Variants in PCSK5 observed in about 807,000 individuals in gnomAD.
The protein encoded by PCSK5 is proprotein convertase subtilisin/kexin type 5.
In PCSK5, 129 loss-of-function variants were observed where a neutral mutation model predicts 233.2. The ratio of observed to expected loss-of-function variants is 0.55; its 90% confidence interval spans 0.48 to 0.64. The LOEUF (loss-of-function observed/expected upper bound fraction) is 0.64. Ranked by LOEUF, PCSK5 falls within the 30% of genes least tolerant of loss-of-function variation. The pLI, the probability that PCSK5 is intolerant of heterozygous loss-of-function variation, is 0.00. For missense variants in PCSK5, 2,076 were observed against 2,430.1 expected (o/e 0.85, Z 3.06); for synonymous variants, 825 against 879.2 (o/e 0.94, Z 1.09).
chr9:76,346,980 C>A (rs1443030681), intron 35 of PCSK5, among the ~76,000 whole-genome samples: 2 of 152,126 alleles, frequency 1.3e-5, no homozygotes, highest in South Asian at 2.1e-4. Flanking sequence ...TTAATATGTA[C>A]CTTTCTCTGT....
chr9:75,999,066 ATTTT>A (rs901442198), intron 3 of PCSK5, among the ~76,000 whole-genome samples: 10 of 151,908 alleles, frequency 6.6e-5, no homozygotes, highest in Non-Finnish European at 1.2e-4. Flanking sequence ...TTATTTATTT[ATTTT>A]TTTATTATAC....
In PCSK5 at chr9:76,230,178, T is replaced by C. The variant is rs187729161; in HGVS notation, c.2729+2573T>C. On this transcript the variant is annotated intron_variant, in intron 21 of 37. Transcript: ENST00000674117. ...AATATTTTGGGGGGAGGTTGGAGAA[T>C]GTGGGGTGGGTCGTGGTGACATAAC... Among the ~76,000 whole-genome samples the C allele has an allele frequency of 3.9e-3, 601 of 152,308 alleles. 3 individuals are homozygous for C. The highest frequency in any genetic ancestry group is 6.8e-3 in the Middle Eastern group (2 of 294).
chr9:76,265,173 C>A (rs1429208137), intron 24 of PCSK5, among the ~76,000 whole-genome samples: 1 of 152,034 alleles, frequency 6.6e-6, no homozygotes, highest in Non-Finnish European at 1.5e-5. Flanking sequence ...CCAAATACTG[C>A]CTGTTCTCAT....
At chr9:76,174,083 T>C (rs990893609) in intron 13 of PCSK5, among the ~76,000 whole-genome samples, 3 of 152,130 alleles carry the variant, frequency 2.0e-5, no homozygotes, top group Non-Finnish European at 4.4e-5. Context: ...GCACTGGAAA[T>C]ATGGTTAGTG....
intron 28 of PCSK5, among the ~76,000 whole-genome samples, chr9:76,307,900 A>G (rs1217004582): frequency 6.6e-6 from 1 of 152,080 alleles, no homozygotes; most frequent in Non-Finnish European, 1.5e-5. Context: ...CTTGGAGTGA[A>G]GAGAAATGGT....
chr9:76,267,178 G>A (rs1827358910), intron 24 of PCSK5, among the ~76,000 whole-genome samples: 1 of 152,142 alleles, frequency 6.6e-6, no homozygotes, highest in Non-Finnish European at 1.5e-5. Context: ...CTAAAATGGA[G>A]CTCTTATTCT....
At chr9:75,986,271 T>A in intron 3 of PCSK5, 26 bp downstream of exon 3, 1 of 1,318,626 alleles carries the variant, frequency 7.6e-7, no homozygotes, top group Non-Finnish European at 1.1e-6. Flanking sequence ...AAGCCTGGCC[T>A]AGGGCCATGT....
chr9:75,935,225 G>A (rs1394509981), intron 2 of PCSK5, among the ~76,000 whole-genome samples: 4 of 152,080 alleles, frequency 2.6e-5, no homozygotes, highest in African/African-American at 7.2e-5. Context: ...ATGCCACCAC[G>A]CCCAGCTAAT....
intron 2 of PCSK5, among the ~76,000 whole-genome samples, chr9:75,965,175 G>A (rs1024800525): frequency 6.6e-5 from 10 of 152,084 alleles, no homozygotes; most frequent in Non-Finnish European, 1.2e-4. Flanking sequence ...CCTTTAGTAC[G>A]CACTGTATTA....
At chr9:76,268,609 T>G (rs1186147740) in intron 24 of PCSK5, among the ~76,000 whole-genome samples, 1 of 152,198 alleles carries the variant, frequency 6.6e-6, no homozygotes, top group East Asian at 1.9e-4. Flanking sequence ...TTTGGGAGGC[T>G]GAGGTGGACA....
intron 9 of PCSK5, among the ~76,000 whole-genome samples, chr9:76,126,639 A>G (rs73456476): frequency 0.028 from 4,330 of 152,284 alleles, 195 homozygotes; most frequent in African/African-American, 0.099. Context: ...TTTTACAGCA[A>G]TATGGATGGA....
At chr9:76,030,500 T>C (rs1183410263) in intron 5 of PCSK5, among the ~76,000 whole-genome samples, 2 of 152,222 alleles carry the variant, frequency 1.3e-5, no homozygotes, top group Non-Finnish European at 2.9e-5. Context: ...ATAACAATTA[T>C]AATTATTACT....
intron 36 of PCSK5, among the ~76,000 whole-genome samples, chr9:76,351,456 GA>G (rs10707487): frequency 0.34 from 6,403 of 19,102 alleles, 884 homozygotes; most frequent in Middle Eastern, 0.41. Context: ...AGGAAAGAAA[GA>G]AAGAAAGAAA....
chr9:76,326,262 T>C (rs1170843096), intron 32 of PCSK5, among the ~76,000 whole-genome samples: 1 of 152,230 alleles, frequency 6.6e-6, no homozygotes, highest in Non-Finnish European at 1.5e-5. Context: ...GGTGTGTGCC[T>C]GTAGTCCCAG....
rs550506866 is a variant in PCSK5 at position 75,994,960 on chromosome 9, A to G, written c.411+8715A>G. Among the ~76,000 whole-genome samples the G allele has an allele frequency of 6.6e-5, 10 of 152,296 alleles. No homozygotes were observed. In the East Asian group the frequency reaches 1.4e-3, roughly 21 times the overall value. ...CTGCTCACCTCTCCAAACATCTTGC[A>G]ATACTTTCTACTTCGCTTTCTGCTT... is the stretch of plus-strand genomic sequence containing the variant. On this transcript the variant is annotated intron_variant, in intron 3 of 37. Coordinates refer to ENST00000674117, the MANE Select transcript of PCSK5 (RefSeq NM_001372043.1).
chr9:75,892,685 G>A (rs1214129385), intron 1 of PCSK5, among the ~76,000 whole-genome samples: 5 of 152,200 alleles, frequency 3.3e-5, no homozygotes, highest in Non-Finnish European at 7.4e-5. Context: ...CCTCCTCCCC[G>A]CCGCCTGGGG....
intron 35 of PCSK5, among the ~76,000 whole-genome samples, chr9:76,343,641 C>T (rs183943938): frequency 6.6e-6 from 1 of 152,264 alleles, no homozygotes; most frequent in African/African-American, 2.4e-5. Context: ...CCTGAACCAA[C>T]CTCACCCACT....
chr9:76,090,790 C>T (rs184623567), intron 7 of PCSK5, among the ~76,000 whole-genome samples: 4 of 152,208 alleles, frequency 2.6e-5, no homozygotes, highest in East Asian at 3.9e-4. Context: ...TCTCTTATTA[C>T]ATTGTAATAT....
At chr9:76,339,211 G>A (rs552748174) in intron 35 of PCSK5, among the ~76,000 whole-genome samples, 1 of 151,980 alleles carries the variant, frequency 6.6e-6, no homozygotes, top group African/African-American at 2.4e-5. Flanking sequence ...CACCATGAAT[G>A]CTTCTCAATA....
Sources: gnomAD v4.1 joint callset for allele counts (sites outside exome capture counted in the v4.1 genomes callset) on GRCh38, gnomAD v4.1.1 for gene constraint, MANE v1.5 for transcripts, NCBI Gene and HGNC (gene_info 2026-07-23, HGNC 2026-07-21) for gene names.